The following LPCAT2 variants were observed in gnomAD, a reference collection of about 807,000 sequenced individuals.
The protein encoded by LPCAT2 is 1-AGP acyltransferase 11.
In LPCAT2, 58 loss-of-function variants were observed where a neutral mutation model predicts 64.7. That is an observed-to-expected ratio of 0.90 (90% CI 0.73 to 1.12). LPCAT2 has a LOEUF of 1.12. Among genes scored for constraint, LPCAT2 ranks in the 50% most tolerant of loss-of-function variants. The pLI, the probability that LPCAT2 is intolerant of heterozygous loss-of-function variation, is 0.00. For synonymous variants in LPCAT2, 252 were observed against 245.3 expected (o/e 1.03, Z -0.26); for missense variants, 579 against 669.8 (o/e 0.86, Z 1.50).
Position 55,509,270 on chromosome 16 carries a change from C to A in LPCAT2, c.89C>A (p.Pro30His). ...GTGGGGCTGCGGCCGCCCATGGTGC[C>A]CCGTCAGGCGTCCTTCTTCCCGCCG... ...GNVGLRPPMV[P>H]RQASFFPPPV... Residue 30 changes from proline (P) to histidine (H), a missense_variant, in exon 1 of 14, where the codon CCC (proline) becomes CAC (histidine). Coordinates refer to ENST00000262134, the MANE Select transcript of LPCAT2 (RefSeq NM_017839.5). 6.6e-7 allele frequency: 1 copy of A among 1,510,624 alleles called. No homozygotes were observed. Among genetic ancestry groups the A allele is most frequent in the Non-Finnish European group, 8.9e-7 (1 of 1,122,508 alleles). 93.6% of individuals were successfully genotyped at this position (1,510,624 alleles called of 1,614,324 possible).
chr16:55,526,723 T>G (rs747726652), intron 2 of LPCAT2, among the ~76,000 whole-genome samples: 1 of 152,212 alleles, frequency 6.6e-6, no homozygotes, highest in Non-Finnish European at 1.5e-5. Flanking sequence ...TCAGATTACC[T>G]CTTTGATTTT....
intron 13 of LPCAT2, among the ~76,000 whole-genome samples, chr16:55,582,013 T>C (rs1963891833): frequency 6.6e-6 from 1 of 152,192 alleles, no homozygotes; most frequent in South Asian, 2.1e-4. Context: ...TAAGACTGTA[T>C]TTTTCTGTAC....
intron 11 of LPCAT2, among the ~76,000 whole-genome samples, chr16:55,555,880 T>G (rs1486120409): frequency 6.6e-6 from 1 of 152,222 alleles, no homozygotes; most frequent in African/African-American, 2.4e-5. Flanking sequence ...AGTGGCATGA[T>G]CTCAGCTCAC....
rs765729670 is a variant in LPCAT2, at chr16:55,509,403, A to T, written c.171+51A>T. The stretch of plus-strand genomic sequence containing the variant: ...AGGTGGTCTGAGGGGGGCCTAGGTC[A>T]GAGGGGGGTCCAGGTAAGGGGTGTG... On this transcript the variant is annotated intron_variant, in intron 1 of 13. Coordinates refer to ENST00000262134, the MANE Select transcript of LPCAT2 (RefSeq NM_017839.5). 1.2e-5 allele frequency: 14 copies of T among 1,123,094 alleles called. No homozygotes were observed. In the Admixed American group the frequency reaches 1.6e-4, roughly 13 times the overall value. 69.6% of individuals were successfully genotyped at this position (1,123,094 alleles called of 1,614,324 possible). A position where few individuals can be genotyped will look rare whatever the true frequency, so the allele number is the denominator to read the frequency against.
At chr16:55,532,126 T>TA in intron 5 of LPCAT2, 152 bp downstream of exon 5, 2 of 593,492 alleles carry the variant, frequency 3.4e-6, no homozygotes, top group Middle Eastern at 4.7e-4. Context: ...CCACAGAACT[T>TA]ACTGCTTTGC....
chr16:55,565,394 A>G (rs1422930027), intron 11 of LPCAT2, among the ~76,000 whole-genome samples: 2 of 152,084 alleles, frequency 1.3e-5, no homozygotes, highest in Non-Finnish European at 2.9e-5. Flanking sequence ...GACTCAAACA[A>G]ATATTTGTAT....
intron 10 of LPCAT2, 38 bp from the exon 11 acceptor site, chr16:55,550,911 G>A (rs762473913): frequency 2.0e-6 from 3 of 1,477,934 alleles, no homozygotes; most frequent in Admixed American, 4.0e-5. Context: ...AATTGTAAAG[G>A]GCTAATAACA....
intron 13 of LPCAT2, among the ~76,000 whole-genome samples, chr16:55,581,679 T>C (rs1445584220): frequency 1.3e-5 from 2 of 152,202 alleles, no homozygotes; most frequent in Non-Finnish European, 2.9e-5. Flanking sequence ...GTTAACATTA[T>C]TTTATTATAG....
In LPCAT2 at chr16:55,549,283, G is replaced by T. The variant is rs1963488895; in HGVS notation, c.942G>T (p.Leu314=). The change falls in exon 10 of 14, where the codon CTG becomes CTT. Residue 314 remains leucine, a synonymous_variant. Coordinates refer to ENST00000262134, the MANE Select transcript of LPCAT2 (RefSeq NM_017839.5). ...NKVRNLMAEA[L]GIPVTDHTYE... is the part of the protein sequence containing the mutation. Reference sequence around the variant, plus strand: ...TGCTTCTTAATACTTTTAGAGCTCTGGGAATACCAGTAACAGATCATACCT... The same window carrying T: ...TGCTTCTTAATACTTTTAGAGCTCTTGGAATACCAGTAACAGATCATACCT... 2 of 1,563,420 alleles carry T rather than the reference G, an allele frequency of 1.3e-6. No homozygotes were observed. The highest frequency in any genetic ancestry group is 1.7e-6 in the Non-Finnish European group (2 of 1,161,328).
chr16:55,574,859 A>G, intron 12 of LPCAT2, 130 bp downstream of exon 12: 5 of 653,582 alleles, frequency 7.7e-6, no homozygotes, highest in Non-Finnish European at 1.1e-5. Flanking sequence ...ACAGGACAAT[A>G]ATGTGATTAA....
intron 1 of LPCAT2, among the ~76,000 whole-genome samples, chr16:55,513,817 C>T (rs1460927930): frequency 2.0e-5 from 3 of 152,136 alleles, no homozygotes; most frequent in Non-Finnish European, 4.4e-5. Context: ...TGGTGGCTGC[C>T]TGGAATGCCT....
chr16:55,567,125 C>T lies in LPCAT2; in HGVS notation c.1216-7506C>T, dbSNP rs760019635. ...AGACTGACGGTTTTAGTCTTGACACCTGCCGGAGCATTGTGTCTGTCATGG... is the reference window on the plus strand; with the variant it reads ...AGACTGACGGTTTTAGTCTTGACACTTGCCGGAGCATTGTGTCTGTCATGG... On this transcript the variant is annotated intron_variant, in intron 11 of 13. Coordinates refer to ENST00000262134, the MANE Select transcript of LPCAT2 (RefSeq NM_017839.5). 29 of 1,613,846 alleles carry T rather than the reference C, an allele frequency of 1.8e-5. No individual in the cohort carries two copies. The East Asian group carries it at 5.6e-4, about 31-fold the overall frequency.
At chr16:55,523,526 C>T (rs1963127052) in intron 1 of LPCAT2, among the ~76,000 whole-genome samples, 1 of 151,558 alleles carries the variant, frequency 6.6e-6, no homozygotes, top group South Asian at 2.1e-4. Flanking sequence ...TTATAATAGG[C>T]CAAATGCCCA....
intron 8 of LPCAT2, among the ~76,000 whole-genome samples, chr16:55,545,265 A>T (rs533241254): frequency 1.3e-5 from 2 of 152,338 alleles, no homozygotes; most frequent in African/African-American, 4.8e-5. Flanking sequence ...TAAAGTTCAA[A>T]CAAATAGTAA....
chr16:55,517,040 A>G (rs1263417619), intron 1 of LPCAT2, among the ~76,000 whole-genome samples: 2 of 152,220 alleles, frequency 1.3e-5, no homozygotes, highest in Non-Finnish European at 2.9e-5. Flanking sequence ...AGTGATTCCA[A>G]AGTAATAATA....
intron 6 of LPCAT2, among the ~76,000 whole-genome samples, chr16:55,533,501 C>T (rs1251087578): frequency 4.1e-5 from 6 of 146,732 alleles, no homozygotes; most frequent in Non-Finnish European, 5.9e-5. Flanking sequence ...ACCTCCGCTT[C>T]CTGGGTTCAA....
intron 4 of LPCAT2, 69 bp downstream of exon 4, chr16:55,530,016 A>G (rs1963231485): frequency 1.8e-6 from 2 of 1,135,878 alleles, no homozygotes; most frequent in African/African-American, 3.1e-5. Context: ...AGACTTACTC[A>G]TTTGGATCCA....
At chr16:55,572,742 G>A (rs1295716102) in intron 11 of LPCAT2, among the ~76,000 whole-genome samples, 2 of 152,136 alleles carry the variant, frequency 1.3e-5, no homozygotes, top group African/African-American at 4.8e-5. Context: ...GATCTCTTGA[G>A]ACAAGGAGTT....
At chr16:55,573,959 A>T (rs1214343369) in intron 11 of LPCAT2, among the ~76,000 whole-genome samples, 7 of 152,176 alleles carry the variant, frequency 4.6e-5, no homozygotes, top group African/African-American at 1.7e-4. Context: ...AGCCTGAATT[A>T]CAATAATCAA....
Sources: gnomAD v4.1 joint callset for allele counts (sites outside exome capture counted in the v4.1 genomes callset) on GRCh38, gnomAD v4.1.1 for gene constraint, MANE v1.5 for transcripts, NCBI Gene and HGNC (gene_info 2026-07-23, HGNC 2026-07-21) for gene names.